The following TRPS1 variants were observed in gnomAD, a reference collection of about 807,000 sequenced individuals.
The protein encoded by TRPS1 is transcriptional repressor GATA binding 1, also known as zinc finger transcription factor Trps1.
Under a neutral mutation model 101.2 loss-of-function variants are expected in TRPS1, and 6 were observed. The ratio of observed to expected loss-of-function variants is 0.06; its 90% CI spans 0.03 to 0.12. TRPS1 has a LOEUF of 0.12. Among genes scored for constraint, TRPS1 ranks in the 10% least tolerant of loss-of-function variants. The pLI, the probability that TRPS1 is intolerant of heterozygous loss-of-function variation, is 1.00. For synonymous variants in TRPS1, 578 were observed against 589.8 expected (o/e 0.98, Z 0.29); for missense variants, 1,363 against 1,567.0 (o/e 0.87, Z 2.20).
At chr8:115,620,596 A>T (rs1818373397) in intron 2 of TRPS1, among the ~76,000 whole-genome samples, 1 of 152,220 alleles carries the variant, frequency 6.6e-6, no homozygotes, top group Admixed American at 6.5e-5. Flanking sequence ...ACCGGGATGT[A>T]AATATAGTTT....
At chr8:115,527,961 T>C (rs1401146239) in intron 5 of TRPS1, among the ~76,000 whole-genome samples, 2 of 152,092 alleles carry the variant, frequency 1.3e-5, no homozygotes, top group Non-Finnish European at 2.9e-5. Context: ...CCATCTTAGA[T>C]TTCAATGGAC....
intron 5 of TRPS1, among the ~76,000 whole-genome samples, chr8:115,574,018 C>G (rs1334913860): frequency 6.6e-6 from 1 of 152,168 alleles, no homozygotes; most frequent in Non-Finnish European, 1.5e-5. Flanking sequence ...CCCTTCACCT[C>G]TTTTATGGAA....
At chr8:115,667,700 G>A (rs1335852443) in intron 1 of TRPS1, among the ~76,000 whole-genome samples, 1 of 152,218 alleles carries the variant, frequency 6.6e-6, no homozygotes, top group Non-Finnish European at 1.5e-5. Flanking sequence ...ACCAAGGGAT[G>A]CGACACCCGC....
At chr8:115,533,110 T>C (rs1266729162) in intron 5 of TRPS1, among the ~76,000 whole-genome samples, 1 of 152,170 alleles carries the variant, frequency 6.6e-6, no homozygotes, top group African/African-American at 2.4e-5. Flanking sequence ...GGATCTAAAA[T>C]TTCATACTGG....
At chr8:115,429,175 A>C (rs1813259640) in intron 5 of TRPS1, among the ~76,000 whole-genome samples, 1 of 152,188 alleles carries the variant, frequency 6.6e-6, no homozygotes, top group South Asian at 2.1e-4. Context: ...AAAGTCCTAT[A>C]ATAGGCTGTC....
chr8:115,437,230 T>A (rs1368880696), intron 5 of TRPS1, among the ~76,000 whole-genome samples: 1 of 152,256 alleles, frequency 6.6e-6, no homozygotes, highest in Non-Finnish European at 1.5e-5. Context: ...GTCACTATAC[T>A]GCTGAAGAGT....
intron 1 of TRPS1, among the ~76,000 whole-genome samples, chr8:115,645,263 G>T (rs1028127978): frequency 1.3e-5 from 2 of 151,994 alleles, no homozygotes; most frequent in African/African-American, 4.8e-5. Context: ...TGAAATTTAG[G>T]ATATGTGGTT....
intron 5 of TRPS1, among the ~76,000 whole-genome samples, chr8:115,471,838 T>C (rs1261779219): frequency 1.3e-5 from 2 of 152,206 alleles, no homozygotes; most frequent in South Asian, 2.1e-4. Context: ...CAAATATCAA[T>C]GCTCTGAAAT....
intron 5 of TRPS1, among the ~76,000 whole-genome samples, chr8:115,564,611 C>T (rs1366248344): frequency 6.6e-6 from 1 of 152,064 alleles, no homozygotes; most frequent in Non-Finnish European, 1.5e-5. Flanking sequence ...GTTTAAACAG[C>T]TCATAGTGCC....
At chr8:115,433,776 A>G (rs1813380277) in intron 5 of TRPS1, among the ~76,000 whole-genome samples, 1 of 152,128 alleles carries the variant, frequency 6.6e-6, no homozygotes, top group Admixed American at 6.6e-5. Flanking sequence ...TTATCTGATG[A>G]CTGCTTCTGA....
In TRPS1 at chr8:115,623,603, G is replaced by A; in HGVS notation, c.35C>T (p.Thr12Ile). ...PYEVNAGYDF[T>I]NMVRKKNPPL... ...ACTTGAAAAAATAGATCACATACTT[G>A]TAAAATCATACCCAGCATTGACTTC... The change falls in exon 2 of 7, where the codon ACA becomes ATA. Residue 12 changes from threonine to isoleucine, a missense_variant and splice_region_variant. Thr to Ile is a moderately conservative substitution (Grantham distance 89). Transcript: ENST00000395715. The A allele has an allele frequency of 6.2e-7, 1 of 1,612,110 alleles. No individual in the cohort carries two copies. The highest frequency in any genetic ancestry group is 8.5e-7 in the Non-Finnish European group (1 of 1,179,022).
chr8:115,665,744 T>A (rs952599347), intron 1 of TRPS1, among the ~76,000 whole-genome samples: 1 of 152,166 alleles, frequency 6.6e-6, no homozygotes, highest in Non-Finnish European at 1.5e-5. Context: ...TCCTTACCTT[T>A]AACGTTACCT....
In TRPS1 at chr8:115,411,596, GA is replaced by G. The variant is rs911004869; in HGVS notation, c.*2426del. Reference sequence around the variant, plus strand: ...CCTCTCAAGTCTGGCTATACATTTTGAGATGCATCCATCAAAATTCCTAAGG... The same window carrying G: ...CCTCTCAAGTCTGGCTATACATTTTGGATGCATCCATCAAAATTCCTAAGG... On this transcript the variant is annotated 3_prime_UTR_variant, in exon 7 of 7. Transcript: ENST00000395715. The G allele has an allele frequency of 1.3e-5, 2 of 152,464 alleles. No homozygotes were observed. The highest frequency in any genetic ancestry group is 4.8e-5 in the African/African-American group (2 of 41,504). The allele number at this position is 152,464 out of a possible 1,614,324, so 9.4% of individuals were successfully genotyped here. A position where few individuals can be genotyped will look rare whatever the true frequency, so the allele number is the denominator to read the frequency against.
chr8:115,443,445 T>C lies in TRPS1; in HGVS notation c.2701-24993A>G, dbSNP rs189499855. 2.9e-4 allele frequency among the ~76,000 whole-genome samples: 44 copies of C among 152,308 alleles called. 1 individual carries two copies. The highest frequency in any genetic ancestry group is 1.0e-3 in the African/African-American group (42 of 41,552). ...CCTCACTCCACAAACCTCTTGGCCT[T>C]GACATTTGCACAATCTGCTCGGTTC... On this transcript the variant is annotated intron_variant, in intron 5 of 6. Coordinates refer to ENST00000395715, the MANE Select transcript of TRPS1 (RefSeq NM_014112.5).
At chr8:115,624,150 CA>C (rs5894282) in intron 1 of TRPS1, among the ~76,000 whole-genome samples, 95,608 of 151,158 alleles carry the variant, frequency 0.63, 30,457 homozygotes, top group East Asian at 0.84. Flanking sequence ...GTAATCACAA[CA>C]ATGAACACAG....
At chr8:115,570,689 TCA>T (rs35198890) in intron 5 of TRPS1, among the ~76,000 whole-genome samples, 39,751 of 95,472 alleles carry the variant, frequency 0.42, 6,109 homozygotes, top group Admixed American at 0.5. Context: ...ACACACACAC[TCA>T]CACACACACA....
At chr8:115,576,398 A>T (rs889214548) in intron 5 of TRPS1, among the ~76,000 whole-genome samples, 1 of 152,066 alleles carries the variant, frequency 6.6e-6, no homozygotes, top group Non-Finnish European at 1.5e-5. Flanking sequence ...CAATTCATAG[A>T]TCTGAATGTT....
At chr8:115,539,005 C>T (rs896124560) in intron 5 of TRPS1, among the ~76,000 whole-genome samples, 2 of 152,130 alleles carry the variant, frequency 1.3e-5, no homozygotes, top group East Asian at 1.9e-4. Flanking sequence ...CAGATGTGCA[C>T]GCAGTAAGTC....
At chr8:115,527,078 C>T (rs535948463) in intron 5 of TRPS1, among the ~76,000 whole-genome samples, 7 of 152,164 alleles carry the variant, frequency 4.6e-5, no homozygotes, top group South Asian at 2.1e-4. Context: ...GGGGATATCA[C>T]GTTTCCTCAT....
Sources: allele counts gnomAD v4.1 joint callset (sites outside exome capture counted in the v4.1 genomes callset), GRCh38; gene constraint gnomAD v4.1.1; transcripts MANE v1.5; gene names NCBI Gene and HGNC (gene_info 2026-07-23, HGNC 2026-07-21).